LRRC53: variants seen among roughly 807,000 people sequenced by gnomAD.
LRRC53 encodes the protein leucine-rich repeat-containing protein 53.
Under a neutral mutation model 13.6 loss-of-function variants are expected in LRRC53, and 25 were observed. The ratio of observed to expected loss-of-function variants is 1.83; its 90% CI spans 1.34 to 2.56. LRRC53 has a LOEUF of 2.56. Ranked by LOEUF, LRRC53 falls within the 30% of genes most tolerant of loss-of-function variation. LRRC53 has a pLI of 0.00. For synonymous variants in LRRC53, 204 were observed against 109.8 expected, an observed-to-expected ratio of 1.86 and a Z score of -5.37; for missense variants, 527 against 275.8, an observed-to-expected ratio of 1.91 and a Z score of -6.45.
At chr1:74,475,263 G>A (rs962403399) in intron 4 of LRRC53, 32 bp downstream of exon 4, 1 of 623,510 alleles carries the variant, frequency 1.6e-6, no homozygotes. Context: ...GAATTAAACG[G>A]AGTGGGATTT....
chr1:74,505,426 T>C (rs1282690215), intron 1 of LRRC53, among the ~76,000 whole-genome samples: 1 of 152,176 alleles, frequency 6.6e-6, no homozygotes, highest in Non-Finnish European at 1.5e-5. Flanking sequence ...TTCGCAGCAA[T>C]AAGAAGTGGG....
chr1:74,496,730 G>A (rs1669345580), intron 1 of LRRC53, among the ~76,000 whole-genome samples: 1 of 152,084 alleles, frequency 6.6e-6, no homozygotes, highest in Non-Finnish European at 1.5e-5. Flanking sequence ...ATCTGAGATT[G>A]AGAAAGGCAC....
rs185285160 is a variant in LRRC53 at position 74,471,844 on chromosome 1, C to T, written c.1778G>A (p.Arg593His). The change falls in exon 5 of 5, where the codon CGT becomes CAT. Residue 593 changes from arginine (R) to histidine (H), a missense_variant. Coordinates refer to ENST00000294635, the MANE Select transcript of LRRC53 (RefSeq NM_001382280.1). ...EDYMKEKKPN[R>H]RQHSKPEKEQ... ...TTTCTCAGGCTTTGAGTGTTGTCTA[C>T]GATTTGGCTTCTTTTCTTTCATGTA... The T allele has an allele frequency of 2.4e-4, 107 of 453,030 alleles. 1 individual carries two copies. The highest frequency in any genetic ancestry group is 1.5e-3 in the East Asian group (44 of 29,792). 28.1% of individuals were successfully genotyped at this position (453,030 alleles called of 1,614,324 possible). A position where few individuals can be genotyped will look rare whatever the true frequency, so the allele number is the denominator to read the frequency against.
chr1:74,498,498 A>G (rs187776943), intron 1 of LRRC53, among the ~76,000 whole-genome samples: 1 of 152,288 alleles, frequency 6.6e-6, no homozygotes. Flanking sequence ...GGTGCCTACA[A>G]TATCTCATTT....
chr1:74,497,290 C>T (rs1669377530), intron 1 of LRRC53, among the ~76,000 whole-genome samples: 1 of 152,022 alleles, frequency 6.6e-6, no homozygotes, highest in Admixed American at 6.6e-5. Flanking sequence ...ATAACAGTGG[C>T]CATGTCTCCT....
At chr1:74,504,709 A>C (rs1394941419) in intron 1 of LRRC53, among the ~76,000 whole-genome samples, 1 of 152,088 alleles carries the variant, frequency 6.6e-6, no homozygotes, top group Non-Finnish European at 1.5e-5. Flanking sequence ...AGCGAGTGAC[A>C]TATTTAGGTT....
chr1:74,505,592 C>A (rs1190928270), intron 1 of LRRC53, among the ~76,000 whole-genome samples: 1 of 152,140 alleles, frequency 6.6e-6, no homozygotes, highest in Non-Finnish European at 1.5e-5. Flanking sequence ...TCCATGTGGA[C>A]TATATCTAAA....
At chr1:74,529,214 A>G in the LRRC53 span, among the ~76,000 whole-genome samples, 5 of 152,334 alleles carry the variant, frequency 3.3e-5, no homozygotes, top group East Asian at 3.9e-4. Flanking sequence ...GTAGAAGCCT[A>G]TCAGACATCA....
intron 1 of LRRC53, among the ~76,000 whole-genome samples, chr1:74,483,687 GT>G (rs1668611227): frequency 1.3e-5 from 2 of 152,156 alleles, no homozygotes; most frequent in Admixed American, 1.3e-4. Flanking sequence ...ATCTTACTTA[GT>G]TCTTTTAATT....
intron 1 of LRRC53, among the ~76,000 whole-genome samples, chr1:74,509,005 G>A (rs1323176962): frequency 2.0e-5 from 3 of 152,130 alleles, no homozygotes; most frequent in Admixed American, 6.5e-5. Flanking sequence ...TTCTACCCAC[G>A]GATGGATAAA....
At chr1:74,484,825 C>T in intron 1 of LRRC53, among the ~76,000 whole-genome samples, 1 of 152,102 alleles carries the variant, frequency 6.6e-6, no homozygotes. Flanking sequence ...TAGTGAGTGG[C>T]ATTACTTGGT....
chr1:74,498,534 T>A (rs1210044114), intron 1 of LRRC53, among the ~76,000 whole-genome samples: 1 of 152,190 alleles, frequency 6.6e-6, no homozygotes, highest in African/African-American at 2.4e-5. Flanking sequence ...GTGGTGAATA[T>A]TAAATATTTT....
intron 1 of LRRC53, among the ~76,000 whole-genome samples, chr1:74,509,657 G>C (rs1670076638): frequency 1.4e-5 from 2 of 146,278 alleles, no homozygotes; most frequent in African/African-American, 5.0e-5. Flanking sequence ...TGTTGTTTTT[G>C]TCATGTCATA....
intron 1 of LRRC53, among the ~76,000 whole-genome samples, chr1:74,494,977 G>C (rs1468689541): frequency 6.6e-6 from 1 of 152,138 alleles, no homozygotes; most frequent in Non-Finnish European, 1.5e-5. Context: ...AAGGGTGGAG[G>C]GGACAGAGCT....
chr1:74,499,060 A>C (rs1423036274), intron 1 of LRRC53, among the ~76,000 whole-genome samples: 2 of 152,250 alleles, frequency 1.3e-5, no homozygotes, highest in Non-Finnish European at 2.9e-5. Flanking sequence ...TAAATAAACA[A>C]GCAAACCAAC....
chr1:74,480,873 G>A lies in LRRC53; in HGVS notation c.184C>T (p.Leu62Phe), dbSNP rs1315561330. Residue 62 changes from leucine to phenylalanine, a missense_variant, in exon 3 of 5, where the codon CTC becomes TTC. Physicochemically the swap from Leu to Phe is conservative, Grantham distance 22 (BLOSUM62 0). Transcript: ENST00000294635. ...NLSLLFNLAL[L>F]SLSRNGIEDV... ...TCGATACCATTTCTGCTTAGGGAGA[G>A]CAGGGCAAGATTAAACAAGAGAGAC... The A allele has an allele frequency of 1.4e-6, 1 of 717,494 alleles. No individual in the cohort carries two copies. 44.4% of individuals were successfully genotyped at this position (717,494 alleles called of 1,614,324 possible).
Position 74,480,178 on chromosome 1 carries a change from G to C in LRRC53, c.879C>G (p.Ala293=), listed in dbSNP as rs1668411615. 1 of 717,210 alleles carries C rather than the reference G, an allele frequency of 1.4e-6. No homozygotes were observed. The highest frequency in any genetic ancestry group is 2.6e-6 in the Non-Finnish European group (1 of 385,042). 44.4% of individuals were successfully genotyped at this position (717,210 alleles called of 1,614,324 possible). A position where few individuals can be genotyped will look rare whatever the true frequency, so the allele number is the denominator to read the frequency against. The change falls in exon 3 of 5, where the codon GCC becomes GCG. Residue 293 remains alanine (A), a synonymous_variant. Transcript: ENST00000294635. ...CTGCGAAGCCAAGGACAGTCAGCAG[G>C]GCCACATCTGGTCCTGGGAGGAGGG... ...RSPLLPGPDV[A]LLTVLGFAGA...
intron 1 of LRRC53, among the ~76,000 whole-genome samples, chr1:74,511,568 C>A (rs1374976964): frequency 6.6e-6 from 1 of 152,110 alleles, no homozygotes; most frequent in African/African-American, 2.4e-5. Flanking sequence ...ATGCATTTAT[C>A]TATCATTTAT....
chr1:74,497,579 C>T (rs1178893486), intron 1 of LRRC53, among the ~76,000 whole-genome samples: 3 of 150,374 alleles, frequency 2.0e-5, no homozygotes, highest in African/African-American at 7.4e-5. Context: ...CACACACACA[C>T]ACATACACAT....
Sources: allele counts gnomAD v4.1 joint callset (sites outside exome capture counted in the v4.1 genomes callset), GRCh38; gene constraint gnomAD v4.1.1; transcripts MANE v1.5; gene names NCBI Gene and HGNC (gene_info 2026-07-23, HGNC 2026-07-21).